SLC36A1: variants seen among roughly 807,000 people sequenced by gnomAD.
SLC36A1 encodes the protein proton-coupled amino acid transporter 1.
SLC36A1 carries 30 observed loss-of-function variants against 47.5 expected under a neutral mutation model. The ratio of observed to expected loss-of-function variants is 0.63; its 90% confidence interval spans 0.47 to 0.86. The LOEUF (loss-of-function observed/expected upper bound fraction) is 0.86, where lower values mean the gene tolerates loss of function less well. Ranked by LOEUF, SLC36A1 falls within the 40% of genes least tolerant of loss-of-function variation. The probability of loss-of-function intolerance (pLI) is 0.00; values close to 1 mark genes in which losing one functional copy is unlikely to be tolerated. For synonymous variants in SLC36A1, 255 were observed against 249.7 expected (o/e 1.02, Z -0.20); for missense variants, 517 against 606.0 (o/e 0.85, Z 1.54).
the SLC36A1 span, among the ~76,000 whole-genome samples, chr5:151,391,202 C>CTGTG: frequency 0.015 from 2,262 of 151,684 alleles, 23 homozygotes; most frequent in African/African-American, 0.03. Context: ...TGATTTGGCT[C>CTGTG]TCTGTCTGTT....
At chr5:151,531,780 G>A in the SLC36A1 span, 1 of 1,612,630 alleles carries the variant, frequency 6.2e-7, no homozygotes, top group Non-Finnish European at 8.5e-7. This position sits in a 1 kb window ranked among gnomAD's most constrained non-coding sequence, Gnocchi z 5.7. Flanking sequence ...CCACCACCGA[G>A]ACTGTGACGG....
At chr5:151,537,338 GA>G in the SLC36A1 span, among the ~76,000 whole-genome samples, 63 of 100,024 alleles carry the variant, frequency 6.3e-4, no homozygotes, top group South Asian at 2.9e-3. Context: ...AGAAAGAAAA[GA>G]AAAGAAAAGA....
the SLC36A1 span, among the ~76,000 whole-genome samples, chr5:151,394,386 G>A: frequency 2.0e-4 from 30 of 152,350 alleles, no homozygotes; most frequent in Admixed American, 5.9e-4. Context: ...ATCATCTGAA[G>A]CCTTCTTCCC....
At chr5:151,426,687 CT>C in the SLC36A1 span, among the ~76,000 whole-genome samples, 2,184 of 152,166 alleles carry the variant, frequency 0.014, 32 homozygotes, top group Non-Finnish European at 0.021. Context: ...AGGCCTTCCT[CT>C]TTCACTAATC....
At chr5:151,421,157 G>A in the SLC36A1 span, among the ~76,000 whole-genome samples, 1 of 130,400 alleles carries the variant, frequency 7.7e-6, no homozygotes, top group African/African-American at 2.7e-5. Context: ...ATAGGCGTGA[G>A]CCACCACGCC....
chr5:151,510,187 G>T, the SLC36A1 span: 234 of 1,600,956 alleles, frequency 1.5e-4, 1 homozygote, highest in East Asian at 4.6e-3. Flanking sequence ...AGGAGAAAAA[G>T]AAGGGAGGTG....
At chr5:151,540,592 T>C in the SLC36A1 span, 4 of 1,613,670 alleles carry the variant, frequency 2.5e-6, no homozygotes, top group Admixed American at 1.7e-5. Flanking sequence ...GCTGTTATCA[T>C]TGACGTCCAG....
the SLC36A1 span, among the ~76,000 whole-genome samples, chr5:151,346,282 G>A: frequency 1.3e-5 from 2 of 152,122 alleles, no homozygotes; most frequent in Non-Finnish European, 2.9e-5. Flanking sequence ...TCCAGGACTA[G>A]CCCTGGGGCG....
At chr5:151,553,154 T>C in the SLC36A1 span, 1 of 1,611,306 alleles carries the variant, frequency 6.2e-7, no homozygotes, top group East Asian at 2.2e-5. Flanking sequence ...TTGGCCCTTG[T>C]TGGGCCCTAG....
At chr5:151,507,542 G>A in the SLC36A1 span, 1 of 1,614,036 alleles carries the variant, frequency 6.2e-7, no homozygotes. Context: ...GCTGCCCCCA[G>A]TCCCCCCTTT....
rs544089540 is a variant in SLC36A1 at position 151,489,028 on chromosome 5, A to G, written c.*774A>G. On this transcript the variant is annotated 3_prime_UTR_variant, in exon 11 of 11. Transcript: ENST00000243389. The surrounding 1 kb of genome is among the most constrained non-coding windows in gnomAD (Gnocchi z 4.5). ...TATTACGAATCACTTCTTCTTCAGT[A>G]AACTTTGACTCAACTTCTCCTGCTG... 2 of 151,928 alleles carry G rather than the reference A, an allele frequency of 1.3e-5. No homozygotes were observed. The highest frequency in any genetic ancestry group is 4.8e-5 in the African/African-American group (2 of 41,306). The allele number at this position is 151,928 out of a possible 1,614,324, so 9.4% of individuals were successfully genotyped here.
the SLC36A1 span, among the ~76,000 whole-genome samples, chr5:151,420,767 T>C: frequency 1.6e-4 from 24 of 152,194 alleles, no homozygotes; most frequent in African/African-American, 5.8e-4. Context: ...TTTTAATAGT[T>C]TGGAGTGATT....
chr5:151,457,095 CT>C (rs955262428), intron 1 of SLC36A1, among the ~76,000 whole-genome samples: 10 of 152,162 alleles, frequency 6.6e-5, no homozygotes, highest in African/African-American at 1.7e-4. Context: ...TTAATGTACC[CT>C]TTTTTTGTCA....
At chr5:151,495,329 A>T (rs879873293), downstream of SLC36A1, among the ~76,000 whole-genome samples, 6 of 152,206 alleles carry the variant, frequency 3.9e-5, no homozygotes, top group Non-Finnish European at 8.8e-5. Context: ...TTCTTTTGAT[A>T]TAGGTTTTTT....
chr5:151,463,067 G>A (rs1755788453), intron 2 of SLC36A1, among the ~76,000 whole-genome samples: 1 of 152,082 alleles, frequency 6.6e-6, no homozygotes, highest in South Asian at 2.1e-4. Context: ...GTAGAGACGG[G>A]GTTTCGCCTT....
At chr5:151,365,835 A>T in the SLC36A1 span, among the ~76,000 whole-genome samples, 1 of 152,164 alleles carries the variant, frequency 6.6e-6, no homozygotes, top group African/African-American at 2.4e-5. Context: ...GGCATAACGT[A>T]TGGGATGCAT....
chr5:151,372,339 G>GTGTGAACA, the SLC36A1 span, among the ~76,000 whole-genome samples: 2 of 152,146 alleles, frequency 1.3e-5, no homozygotes, highest in Non-Finnish European at 2.9e-5. Flanking sequence ...TGGACAGCAT[G>GTGTGAACA]TGTGAACAAA....
the SLC36A1 span, among the ~76,000 whole-genome samples, chr5:151,537,321 GAAA>G: frequency 4.4e-5 from 1 of 22,534 alleles, no homozygotes; most frequent in Non-Finnish European, 7.5e-5. Context: ...AAAAGAAAGA[GAAA>G]AAAAGAAAGA....
the SLC36A1 span, among the ~76,000 whole-genome samples, chr5:151,354,778 C>T: frequency 1.3e-5 from 2 of 152,302 alleles, no homozygotes; most frequent in East Asian, 3.9e-4. Flanking sequence ...TGCACATGCA[C>T]ATACCTGAAC....
Sources: gnomAD v4.1 joint callset for allele counts (sites outside exome capture counted in the v4.1 genomes callset) on GRCh38, gnomAD v4.1.1 for gene constraint, Gnocchi (gnomAD v3.1) non-coding constraint, MANE v1.5 for transcripts, NCBI Gene and HGNC (gene_info 2026-07-23, HGNC 2026-07-21) for gene names.